The following PLS3 variants were observed in gnomAD, a reference collection of about 807,000 sequenced individuals.
PLS3 encodes plastin 3, also known as plastin-3.
A neutral mutation model predicts 46.5 loss-of-function variants in PLS3; 11 were observed. The observed-to-expected ratio is 0.24, with a 90% CI of 0.15 to 0.39. The LOEUF is 0.39. PLS3 is among the 10% of genes least tolerant of loss of function. The pLI is 1.00. For missense variants in PLS3, 308 were observed against 461.8 expected, an observed-to-expected ratio of 0.67 and a Z score of 3.05; for synonymous variants, 167 against 162.2, an observed-to-expected ratio of 1.03 and a Z score of -0.22.
chrX:115,578,134 G>A (rs1384637857), intron 1 of PLS3, among the ~76,000 whole-genome samples: 1 of 111,914 alleles, frequency 8.9e-6, no homozygotes, highest in African/African-American at 3.2e-5. Flanking sequence ...TGTGGTCACA[G>A]AAGGCATTAC....
chrX:115,618,044 G>A (rs781814334), intron 2 of PLS3, among the ~76,000 whole-genome samples: 5 of 110,658 alleles, frequency 4.5e-5, no homozygotes, highest in South Asian at 3.8e-4. Flanking sequence ...CTCCTGCCTC[G>A]GCCTCCCAAA....
At chrX:115,573,156 G>A (rs983793397) in intron 1 of PLS3, among the ~76,000 whole-genome samples, 1 of 107,361 alleles carries the variant, frequency 9.3e-6, no homozygotes, top group Non-Finnish European at 1.9e-5. Context: ...TTTAAATACA[G>A]CCTTTTTTCT....
At chrX:115,625,593 TAA>T (rs66850665) in intron 3 of PLS3, among the ~76,000 whole-genome samples, 12,530 of 99,000 alleles carry the variant, frequency 0.13, 1,279 homozygotes, top group African/African-American at 0.34. Flanking sequence ...GTTCTTTCTT[TAA>T]AAAAAAAAAA....
chrX:115,588,319 G>A (rs985588060), intron 1 of PLS3, among the ~76,000 whole-genome samples: 16 of 111,626 alleles, frequency 1.4e-4, no homozygotes, highest in African/African-American at 4.9e-4. Flanking sequence ...ATCTGTAGGA[G>A]GCCAGATGTT....
At chrX:115,633,031 C>A (rs1366312413) in intron 5 of PLS3, among the ~76,000 whole-genome samples, 1 of 109,289 alleles carries the variant, frequency 9.2e-6, no homozygotes, top group African/African-American at 3.3e-5. Context: ...CCACACTGTA[C>A]CTGGCCCAAG....
chrX:115,635,590 G>T (rs1255534993), intron 7 of PLS3, among the ~76,000 whole-genome samples: 1 of 97,367 alleles, frequency 1.0e-5, no homozygotes, highest in East Asian at 3.2e-4. Context: ...GGCGGAGGTT[G>T]CAGTGAGCTG....
intron 9 of PLS3, among the ~76,000 whole-genome samples, chrX:115,641,853 G>A (rs1158707830): frequency 9.1e-6 from 1 of 109,775 alleles, no homozygotes; most frequent in Non-Finnish European, 1.9e-5. Context: ...AATTCAGTCT[G>A]AAATGTTCTG....
intron 1 of PLS3, among the ~76,000 whole-genome samples, chrX:115,601,211 G>A (rs2074439713): frequency 9.1e-6 from 1 of 109,824 alleles, no homozygotes; most frequent in Non-Finnish European, 1.9e-5. Flanking sequence ...TGGCCTGTTT[G>A]GGGAATAAGG....
chrX:115,599,821 C>A (rs993394694), intron 1 of PLS3, among the ~76,000 whole-genome samples: 2 of 109,016 alleles, frequency 1.8e-5, no homozygotes, highest in Non-Finnish European at 3.8e-5. Flanking sequence ...TTAGTAGAGA[C>A]GGGGCTTCAC....
rs2074678272 is a variant in PLS3 at position 115,623,605 on chromosome X, G to A, written c.237+1196G>A. On this transcript the variant is annotated intron_variant, in intron 3 of 15. Coordinates refer to ENST00000355899, the MANE Select transcript of PLS3 (RefSeq NM_005032.7). ...TTAAGGATACCTTTAAGATTTTATTGGTGTATTTATTATTAATTTAAGGCT... is the reference window on the plus strand; with the variant it reads ...TTAAGGATACCTTTAAGATTTTATTAGTGTATTTATTATTAATTTAAGGCT... Among the ~76,000 whole-genome samples the A allele has an allele frequency of 2.7e-5, 3 of 111,439 alleles. No homozygotes were observed. The Admixed American group carries it at 2.9e-4, about 11-fold the overall frequency.
chrX:115,585,766 C>G (rs2074304181), intron 1 of PLS3, among the ~76,000 whole-genome samples: 1 of 110,950 alleles, frequency 9.0e-6, no homozygotes, highest in South Asian at 3.8e-4. Flanking sequence ...TAACAATTAC[C>G]AGTATTTCAT....
rs782058157 is a variant in PLS3 at position 115,610,290 on chromosome X, C to T, written c.40C>T (p.Leu14Phe). 8.6e-7 allele frequency: 1 copy of T among 1,169,027 alleles called. No individual in the cohort carries two copies. Among genetic ancestry groups the T allele is most frequent in the South Asian group, 1.9e-5 (1 of 51,622 alleles). Residue 14 changes from leucine to phenylalanine, a missense_variant, in exon 2 of 16, where the codon CTT becomes TTT. By Grantham distance (22) the Leu-to-Phe change is conservative. Transcript: ENST00000355899. ...TACCACTCAGATTTCCAAAGATGAG[C>T]TTGATGAACTCAAAGAGGCCTTTGC... ...MATTQISKDE[L>F]DELKEAFAKV...
chrX:115,638,603 A>G (rs782410716), intron 8 of PLS3, among the ~76,000 whole-genome samples: 10 of 112,669 alleles, frequency 8.9e-5, no homozygotes, highest in East Asian at 5.6e-4. Context: ...CAAGCCAACC[A>G]TAAATGGATT....
intron 1 of PLS3, among the ~76,000 whole-genome samples, chrX:115,579,714 G>A (rs1280824870): frequency 9.0e-6 from 1 of 111,618 alleles, no homozygotes; most frequent in Admixed American, 9.6e-5. Flanking sequence ...TCAGTGAAAT[G>A]TCTGTTCATG....
intron 9 of PLS3, among the ~76,000 whole-genome samples, chrX:115,642,168 C>T (rs1556641093): frequency 4.6e-5 from 5 of 108,880 alleles, no homozygotes; most frequent in African/African-American, 6.7e-5. Flanking sequence ...CGTGAGCCAC[C>T]ACGTCCAACC....
chrX:115,632,659 C>T (rs1210211290), intron 5 of PLS3, among the ~76,000 whole-genome samples: 1 of 110,620 alleles, frequency 9.0e-6, no homozygotes, highest in Admixed American at 9.8e-5. Flanking sequence ...ATCTCATGCT[C>T]AACTAATTTT....
intron 3 of PLS3, 148 bp downstream of exon 3, chrX:115,622,557 G>A (rs895814217): frequency 4.1e-5 from 15 of 369,636 alleles, no homozygotes; most frequent in Non-Finnish European, 6.5e-5. Flanking sequence ...CCCACTAAAT[G>A]TACTTCTTTT....
chrX:115,586,204 C>T (rs1053651822), intron 1 of PLS3, among the ~76,000 whole-genome samples: 11 of 106,655 alleles, frequency 1.0e-4, no homozygotes, highest in Non-Finnish European at 2.1e-4. Flanking sequence ...AGGCTAGTCT[C>T]GAACTCCAGA....
chrX:115,636,205 C>CTTTT (rs1403487429), intron 7 of PLS3, among the ~76,000 whole-genome samples: 3 of 84,184 alleles, frequency 3.6e-5, no homozygotes, highest in African/African-American at 4.7e-5. Flanking sequence ...AAATCCCTGA[C>CTTTT]TTTTTTTTTT....
Sources: allele counts gnomAD v4.1 joint callset (sites outside exome capture counted in the v4.1 genomes callset), GRCh38; gene constraint gnomAD v4.1.1; transcripts MANE v1.5; gene names NCBI Gene and HGNC (gene_info 2026-07-23, HGNC 2026-07-21).